LMTK2: variants seen among roughly 807,000 people sequenced by gnomAD.
The protein encoded by LMTK2 is lemur tail kinase 2.
Under a neutral mutation model 127.5 loss-of-function variants are expected in LMTK2, and 37 were observed. The ratio of observed to expected loss-of-function variants is 0.29; its 90% CI spans 0.22 to 0.38. The LOEUF is 0.38. Ranked by LOEUF, LMTK2 falls within the 10% of genes least tolerant of loss-of-function variation. The pLI, the probability that LMTK2 is intolerant of heterozygous loss-of-function variation, is 1.00. For missense variants in LMTK2, 1,694 were observed against 1,920.3 expected (o/e 0.88, Z 2.20); for synonymous variants, 819 against 810.1 (o/e 1.01, Z -0.19).
At chr7:98,190,164 C>T (rs956423065) in intron 9 of LMTK2, among the ~76,000 whole-genome samples, 2 of 152,138 alleles carry the variant, frequency 1.3e-5, no homozygotes, top group Non-Finnish European at 2.9e-5. Context: ...CTGTTTTGTA[C>T]TTTTTTCATT....
rs530030935 is a variant in LMTK2, at chr7:98,172,123, C to A, written c.791+449C>A. Reference sequence around the variant, plus strand: ...TTGCACAAGGTCATAGCACTGGTTTCTGGCCAGCTGAAGGGTGGGCTTCAG... The same window carrying A: ...TTGCACAAGGTCATAGCACTGGTTTATGGCCAGCTGAAGGGTGGGCTTCAG... On this transcript the variant is annotated intron_variant, in intron 7 of 13. Coordinates refer to ENST00000297293, the MANE Select transcript of LMTK2 (RefSeq NM_014916.4). Among the ~76,000 whole-genome samples the A allele has an allele frequency of 9.2e-5, 14 of 152,266 alleles. No individual in the cohort carries two copies. In the South Asian group the frequency reaches 2.7e-3, roughly 29 times the overall value.
intron 1 of LMTK2, 39 bp downstream of exon 1, chr7:98,107,319 T>C: frequency 3.0e-6 from 3 of 1,009,726 alleles, no homozygotes; most frequent in Non-Finnish European, 3.6e-6. Context: ...TGCGGGGTCT[T>C]CGGCGTGGAG....
chr7:98,139,385 G>A (rs1388134562), intron 2 of LMTK2, among the ~76,000 whole-genome samples: 1 of 152,152 alleles, frequency 6.6e-6, no homozygotes, highest in Non-Finnish European at 1.5e-5. Flanking sequence ...AAAGTACTAG[G>A]ATTACAGGCG....
intron 4 of LMTK2, among the ~76,000 whole-genome samples, chr7:98,152,578 C>G (rs370421662): frequency 2.0e-5 from 3 of 152,286 alleles, no homozygotes; most frequent in East Asian, 1.9e-4. Context: ...AAACAAAACC[C>G]TGTCTTCACA....
intron 6 of LMTK2, among the ~76,000 whole-genome samples, chr7:98,165,620 G>T (rs554636615): frequency 6.6e-6 from 1 of 152,294 alleles, no homozygotes; most frequent in Non-Finnish European, 1.5e-5. Context: ...TATACCAGGT[G>T]GTTTAATGCC....
intron 4 of LMTK2, among the ~76,000 whole-genome samples, chr7:98,151,817 G>A (rs1256247059): frequency 3.3e-5 from 5 of 152,168 alleles, no homozygotes; most frequent in Admixed American, 2.0e-4. Flanking sequence ...GCGTCCTCCC[G>A]TGGTTGAAGG....
chr7:98,192,647 G>A lies in LMTK2; in HGVS notation c.2182G>A (p.Glu728Lys). The change falls in exon 11 of 14, where the codon GAG becomes AAG. Residue 728 changes from glutamate (E) to lysine (K), a missense_variant. This residue lies in a region of LMTK2 where 527 missense variants were observed against 539.8 expected (regional missense o/e 0.98). Coordinates refer to ENST00000297293, the MANE Select transcript of LMTK2 (RefSeq NM_014916.4). ...GTCAGAAAACTTTTTATTTCTTCAA[G>A]AGAAAAACTTACTAAAAGGCTCATT... ...ELSENFLFLQ[E>K]KNLLKGSLSS... 4 of 1,611,010 alleles carry A rather than the reference G, an allele frequency of 2.5e-6. No individual in the cohort carries two copies. Among genetic ancestry groups the A allele is most frequent in the Non-Finnish European group, 3.4e-6 (4 of 1,179,250 alleles).
Position 98,106,923 on chromosome 7 carries a change from G to T in LMTK2, c.-255G>T. The stretch of plus-strand genomic sequence containing the variant: ...GGCTTCCCAGGCCCGCCGCTCCGCA[G>T]GGCTGCTGGCGTTGCTGCTGTTGAG... On this transcript the variant is annotated 5_prime_UTR_variant, in exon 1 of 14. The change creates a new upstream start codon in the 5' untranslated region. Transcript: ENST00000297293. 1 of 458,790 alleles carries T rather than the reference G, an allele frequency of 2.2e-6. No homozygotes were observed. The highest frequency in any genetic ancestry group is 3.8e-5 in the South Asian group (1 of 26,164). 28.4% of individuals were successfully genotyped at this position (458,790 alleles called of 1,614,324 possible). A position where few individuals can be genotyped will look rare whatever the true frequency, so the allele number is the denominator to read the frequency against.
chr7:98,124,556 T>C lies in LMTK2; in HGVS notation c.104-12759T>C, dbSNP rs10227677. Reference sequence around the variant, plus strand: ...ATCTCAGCACTTTGGGAGGCCAAAGTGGGAGGATCACTTGAGGCCAAGAGA... The same window carrying C: ...ATCTCAGCACTTTGGGAGGCCAAAGCGGGAGGATCACTTGAGGCCAAGAGA... On this transcript the variant is annotated intron_variant, in intron 1 of 13. Coordinates refer to ENST00000297293, the MANE Select transcript of LMTK2 (RefSeq NM_014916.4). Among the ~76,000 whole-genome samples the C allele has an allele frequency of 3.1e-3, 473 of 151,806 alleles. 1 individual carries two copies. Among genetic ancestry groups the C allele is most frequent in the African/African-American group, 0.011 (454 of 41,388 alleles).
At chr7:98,132,900 T>C (rs1227463933) in intron 1 of LMTK2, among the ~76,000 whole-genome samples, 2 of 152,188 alleles carry the variant, frequency 1.3e-5, no homozygotes, top group Non-Finnish European at 2.9e-5. Context: ...GCTGGAGTTA[T>C]AATGGTTGAA....
chr7:98,114,240 GTTT>G (rs554396308), intron 1 of LMTK2, among the ~76,000 whole-genome samples: 9 of 130,962 alleles, frequency 6.9e-5, no homozygotes, highest in Non-Finnish European at 8.2e-5. Context: ...TTTTTTTAAA[GTTT>G]TTTTTTTTTT....
At chr7:98,159,622 A>G (rs1181899831) in intron 6 of LMTK2, among the ~76,000 whole-genome samples, 197 bp downstream of exon 6, 3 of 152,220 alleles carry the variant, frequency 2.0e-5, no homozygotes, top group African/African-American at 7.2e-5. Flanking sequence ...GTTACACTGC[A>G]GTCCCTGTGC....
rs1306878629 is a variant in LMTK2, at chr7:98,205,530, C to A, written c.*38C>A. On this transcript the variant is annotated 3_prime_UTR_variant, in exon 14 of 14. Transcript: ENST00000297293. ...GCGCACGCTCGGGTCCGAGGCTGCTCCCCTGGAGCGGCGCCCCTGCGCCCT... is the reference window on the plus strand; with the variant it reads ...GCGCACGCTCGGGTCCGAGGCTGCTACCCTGGAGCGGCGCCCCTGCGCCCT... 3.7e-6 allele frequency: 6 copies of A among 1,608,896 alleles called. No individual in the cohort carries two copies. The highest frequency in any genetic ancestry group is 5.1e-6 in the Non-Finnish European group (6 of 1,178,980).
chr7:98,149,264 C>T (rs11767962), intron 3 of LMTK2, among the ~76,000 whole-genome samples: 56,687 of 152,028 alleles, frequency 0.37, 13,436 homozygotes, highest in Middle Eastern at 0.62. Context: ...TTTAAGACTG[C>T]AGCTGCACTG....
At chr7:98,109,074 C>T (rs7801333) in intron 1 of LMTK2, among the ~76,000 whole-genome samples, 8 of 151,918 alleles carry the variant, frequency 5.3e-5, no homozygotes, top group East Asian at 1.9e-4. Context: ...TTGGCCAGGC[C>T]GGTCTTGAAC....
At chr7:98,177,316 T>G (rs1797291954) in intron 7 of LMTK2, among the ~76,000 whole-genome samples, 1 of 152,148 alleles carries the variant, frequency 6.6e-6, no homozygotes, top group Non-Finnish European at 1.5e-5. Context: ...ATAAATTATC[T>G]GGGTATATAT....
chr7:98,152,719 C>T (rs558580409), intron 4 of LMTK2, among the ~76,000 whole-genome samples: 4 of 152,126 alleles, frequency 2.6e-5, no homozygotes, highest in East Asian at 1.9e-4. Context: ...CGGAATGAAA[C>T]GGGGAAATAC....
intron 2 of LMTK2, among the ~76,000 whole-genome samples, chr7:98,138,537 G>A (rs1983439): frequency 0.99 from 150,724 of 152,260 alleles, 74,624 homozygotes; most frequent in Middle Eastern, 1. Context: ...AGACCTGTAG[G>A]GTTTTACTCA....
At chr7:98,151,332 T>G (rs1168511346) in intron 3 of LMTK2, 50 bp from the exon 4 acceptor site, 1 of 1,246,018 alleles carries the variant, frequency 8.0e-7, no homozygotes, top group Non-Finnish European at 1.1e-6. Flanking sequence ...AGGTTATATA[T>G]TTAATATTTA....
Sources: allele counts gnomAD v4.1 joint callset (sites outside exome capture counted in the v4.1 genomes callset), GRCh38; gene constraint gnomAD v4.1.1; regional missense constraint gnomAD v4.1.1; transcripts MANE v1.5; gene names NCBI Gene and HGNC (gene_info 2026-07-23, HGNC 2026-07-21).